The following SAMD4A variants were observed in gnomAD, a reference collection of about 807,000 sequenced individuals.
SAMD4A encodes the protein protein Smaug homolog 1.
Under a neutral mutation model 81.3 loss-of-function variants are expected in SAMD4A, and 33 were observed. The ratio of observed to expected loss-of-function variants is 0.41; its 90% CI spans 0.31 to 0.54. SAMD4A has a LOEUF of 0.54. Ranked by LOEUF, SAMD4A falls within the 20% of genes least tolerant of loss-of-function variation. The probability of loss-of-function intolerance (pLI) is 0.37; values close to 1 mark genes in which losing one functional copy is unlikely to be tolerated. For missense variants in SAMD4A, 854 were observed against 951.1 expected, an observed-to-expected ratio of 0.90 and a Z score of 1.34; for synonymous variants, 389 against 382.1, an observed-to-expected ratio of 1.02 and a Z score of -0.21.
chr14:54,700,885 A>T (rs1174120852), intron 2 of SAMD4A: 1 of 152,066 alleles, frequency 6.6e-6, no homozygotes, highest in African/African-American at 2.4e-5. Flanking sequence ...ACACTGTATG[A>T]TTCTACTTCT....
At chr14:54,651,114 C>A (rs1409573771) in intron 2 of SAMD4A, among the ~76,000 whole-genome samples, 1 of 152,110 alleles carries the variant, frequency 6.6e-6, no homozygotes. Context: ...TAAATAAGCA[C>A]GGTCTGAAAG....
intron 2 of SAMD4A, among the ~76,000 whole-genome samples, chr14:54,678,486 T>TCTCGCTCTTTCGCCCAGGCCG (rs2036044897): frequency 1.5e-5 from 1 of 68,316 alleles, no homozygotes; most frequent in African/African-American, 4.3e-5. Flanking sequence ...TGTGTGTGTG[T>TCTCGCTCTTTCGCCCAGGCCG]GTGTGTGTGT....
chr14:54,784,670 G>T, intron 12 of SAMD4A, 50 bp downstream of exon 12: 1 of 1,524,074 alleles, frequency 6.6e-7, no homozygotes, highest in South Asian at 1.1e-5. Flanking sequence ...CCGTGTGCCT[G>T]GGAGAACTGG....
At chr14:54,645,349 C>T (rs910724419) in intron 2 of SAMD4A, among the ~76,000 whole-genome samples, 1 of 152,174 alleles carries the variant, frequency 6.6e-6, no homozygotes, top group Non-Finnish European at 1.5e-5. Context: ...CCATGCCTAT[C>T]CCTATCCCAC....
rs191326265 is a variant in SAMD4A at position 54,724,298 on chromosome 14, C to A, written c.716-12726C>A. On this transcript the variant is annotated intron_variant, in intron 3 of 12. Coordinates refer to ENST00000554335, the MANE Select transcript of SAMD4A (RefSeq NM_015589.6). ...GAACACAGGCTTGCAAGTGAGAGAA[C>A]CTTGGATTTTGAACTCTGGCTCTTT... is the stretch of plus-strand genomic sequence containing the variant. 2.0e-3 allele frequency among the ~76,000 whole-genome samples: 299 copies of A among 152,228 alleles called. 1 individual carries two copies. Among genetic ancestry groups the A allele is most frequent in the Non-Finnish European group, 2.2e-3 (147 of 68,022 alleles).
intron 2 of SAMD4A, among the ~76,000 whole-genome samples, chr14:54,632,894 G>A (rs1317555735): frequency 3.3e-5 from 5 of 152,208 alleles, no homozygotes; most frequent in African/African-American, 4.8e-5. Flanking sequence ...ACTATGTATA[G>A]TAATTTATTT....
At chr14:54,769,499 G>T (rs1028822397) in intron 8 of SAMD4A, among the ~76,000 whole-genome samples, 16 of 152,180 alleles carry the variant, frequency 1.1e-4, no homozygotes, top group African/African-American at 3.9e-4. Context: ...AAAGAGTTCT[G>T]CAGGCATCAG....
intron 2 of SAMD4A, among the ~76,000 whole-genome samples, chr14:54,675,918 T>G (rs2035983863): frequency 6.6e-6 from 1 of 152,220 alleles, no homozygotes; most frequent in Non-Finnish European, 1.5e-5. Context: ...TCAGTCAGTG[T>G]CTTGCACAGG....
chr14:54,775,093 C>T lies in SAMD4A; in HGVS notation c.1875C>T (p.Arg625=), dbSNP rs779983154. The T allele has an allele frequency of 6.2e-7, 1 of 1,614,076 alleles. No homozygotes were observed. Among genetic ancestry groups the T allele is most frequent in the African/African-American group, 1.3e-5 (1 of 74,926 alleles). The change falls in exon 10 of 13, where the codon CGC becomes CGT. Residue 625 remains arginine, a synonymous_variant. Transcript: ENST00000554335. ...GTGGATTCGTCAGCTCCAACCAGCG[C>T]AACACCACAGCTACCCCCACCATCA... ...GTSGFVSSNQ[R]NTTATPTIMK...
intron 2 of SAMD4A, chr14:54,688,395 G>C (rs759544627): frequency 2.6e-4 from 252 of 983,538 alleles, no homozygotes; most frequent in Non-Finnish European, 3.0e-4. Flanking sequence ...GGGATTGTGT[G>C]GGGGTGGTTT....
intron 4 of SAMD4A, among the ~76,000 whole-genome samples, chr14:54,739,055 C>CTTTTTTT (rs3051648): frequency 0.097 from 9,344 of 96,434 alleles, 633 homozygotes; most frequent in South Asian, 0.18. Flanking sequence ...CTTTCCTTTT[C>CTTTTTTT]TTTTTTTTTT....
intron 2 of SAMD4A, among the ~76,000 whole-genome samples, chr14:54,678,117 G>A (rs2036031830): frequency 6.6e-6 from 1 of 152,200 alleles, no homozygotes; most frequent in Non-Finnish European, 1.5e-5. Flanking sequence ...AAGAAACAGA[G>A]AAATCTGCAT....
chr14:54,771,360 G>A (rs1261931759), intron 9 of SAMD4A, among the ~76,000 whole-genome samples: 1 of 152,222 alleles, frequency 6.6e-6, no homozygotes, highest in Admixed American at 6.5e-5. Flanking sequence ...TTACAGACAA[G>A]TTCATAGGCA....
chr14:54,675,115 A>C (rs2035962175), intron 2 of SAMD4A, among the ~76,000 whole-genome samples: 1 of 151,950 alleles, frequency 6.6e-6, no homozygotes, highest in South Asian at 2.1e-4. Context: ...CCTGTAATCC[A>C]AGCACTTTGG....
chr14:54,677,692 T>C lies in SAMD4A; in HGVS notation c.197-24370T>C, dbSNP rs187257314. ...TTGCTTGATGAAATGAAGATTTTTGTGGGGCAGATTGTTCCTCTCCATAAC... is the reference window on the plus strand; with the variant it reads ...TTGCTTGATGAAATGAAGATTTTTGCGGGGCAGATTGTTCCTCTCCATAAC... On this transcript the variant is annotated intron_variant, in intron 2 of 12. Coordinates refer to ENST00000554335, the MANE Select transcript of SAMD4A (RefSeq NM_015589.6). Among the ~76,000 whole-genome samples the C allele has an allele frequency of 1.4e-4, 21 of 152,364 alleles. No homozygotes were observed. The East Asian group carries it at 4.0e-3, about 29-fold the overall frequency.
At chr14:54,570,122 C>T (rs2033086668) in intron 2 of SAMD4A, among the ~76,000 whole-genome samples, 2 of 152,164 alleles carry the variant, frequency 1.3e-5, no homozygotes, top group Non-Finnish European at 2.9e-5. Context: ...TCTCCAGTTT[C>T]TGGATTAATC....
intron 3 of SAMD4A, among the ~76,000 whole-genome samples, chr14:54,718,076 A>G (rs1366186482): frequency 6.6e-6 from 1 of 152,110 alleles, no homozygotes; most frequent in African/African-American, 2.4e-5. Context: ...TCTATATGCA[A>G]TTCAGAGACC....
intron 12 of SAMD4A, among the ~76,000 whole-genome samples, chr14:54,787,301 A>C (rs895526778): frequency 5.9e-5 from 9 of 152,200 alleles, no homozygotes; most frequent in African/African-American, 1.9e-4. Context: ...CTTATATACA[A>C]GTGCACTGGG....
intron 2 of SAMD4A, among the ~76,000 whole-genome samples, chr14:54,590,505 A>T (rs943735022): frequency 2.0e-5 from 3 of 152,108 alleles, no homozygotes; most frequent in Non-Finnish European, 2.9e-5. Context: ...AATAAATGGA[A>T]TATTTAAGAA....
Sources: gnomAD v4.1 joint callset for allele counts (sites outside exome capture counted in the v4.1 genomes callset) on GRCh38, gnomAD v4.1.1 for gene constraint, MANE v1.5 for transcripts, NCBI Gene and HGNC (gene_info 2026-07-23, HGNC 2026-07-21) for gene names.